KIF16B: variants seen among roughly 807,000 people sequenced by gnomAD.
The protein encoded by KIF16B is kinesin family member 16B.
Under a neutral mutation model 156.3 loss-of-function variants are expected in KIF16B, and 98 were observed. The observed-to-expected ratio is 0.63, with a 90% CI of 0.53 to 0.74. KIF16B has a LOEUF of 0.74. KIF16B is among the 30% of genes least tolerant of loss of function. KIF16B has a pLI of 0.00. For synonymous variants in KIF16B, 564 were observed against 583.7 expected, an observed-to-expected ratio of 0.97 and a Z score of 0.49; for missense variants, 1,421 against 1,606.5, an observed-to-expected ratio of 0.88 and a Z score of 1.97.
rs559807384 is a variant in KIF16B, at chr20:16,397,225, T to C, written c.1784+7588A>G. 2.0e-5 allele frequency among the ~76,000 whole-genome samples: 3 copies of C among 152,326 alleles called. No homozygotes were observed. The South Asian group carries it at 6.2e-4, about 32-fold the overall frequency. On this transcript the variant is annotated intron_variant, in intron 17 of 25. Transcript: ENST00000354981. ...GAATGTTTCCCCTGCAGGAAAATTA[T>C]CTCCTGGCAAAGACCCTGGCTGGGC...
chr20:16,435,182 A>G (rs1191901195), intron 12 of KIF16B, among the ~76,000 whole-genome samples: 1 of 152,198 alleles, frequency 6.6e-6, no homozygotes, highest in African/African-American at 2.4e-5. Flanking sequence ...TACATTTTTC[A>G]TAAGTGTTTC....
At chr20:16,386,420 T>C (rs2065231375) in intron 17 of KIF16B, among the ~76,000 whole-genome samples, 1 of 151,884 alleles carries the variant, frequency 6.6e-6, no homozygotes, top group Admixed American at 6.6e-5. Context: ...TGGAGGTTCA[T>C]CTTGGAGAGA....
At chr20:16,297,766 C>A (rs2063412710) in intron 25 of KIF16B, among the ~76,000 whole-genome samples, 1 of 152,092 alleles carries the variant, frequency 6.6e-6, no homozygotes, top group African/African-American at 2.4e-5. Flanking sequence ...TCACTGGTCC[C>A]CAGGTCTCAT....
chr20:16,420,142 C>T (rs2066189303), intron 15 of KIF16B, among the ~76,000 whole-genome samples: 1 of 152,136 alleles, frequency 6.6e-6, no homozygotes, highest in Admixed American at 6.6e-5. Flanking sequence ...AGAAAAACTT[C>T]AGGCAACAAA....
intron 1 of KIF16B, among the ~76,000 whole-genome samples, chr20:16,571,161 C>T (rs969839559): frequency 6.6e-6 from 1 of 152,156 alleles, no homozygotes; most frequent in Non-Finnish European, 1.5e-5. Flanking sequence ...AACCTGTTCA[C>T]CTCCTTCAGC....
chr20:16,372,997 C>T (rs571494830), intron 20 of KIF16B, among the ~76,000 whole-genome samples: 8 of 152,258 alleles, frequency 5.3e-5, no homozygotes, highest in African/African-American at 1.9e-4. Context: ...CATGCCCGGC[C>T]GGATGGATTA....
In KIF16B at chr20:16,273,034, G is replaced by C; in HGVS notation, c.*219C>G. ...GGCCACGTTCAACCGCAATGGAACG[G>C]TAACGGCTGCCTGTCAGGGCCACAT... On this transcript the variant is annotated 3_prime_UTR_variant, in exon 26 of 26. Transcript: ENST00000354981. 1 of 538,614 alleles carries C rather than the reference G, an allele frequency of 1.9e-6. No homozygotes were observed. The highest frequency in any genetic ancestry group is 3.3e-6 in the Non-Finnish European group (1 of 300,140). 33.4% of individuals were successfully genotyped at this position (538,614 alleles called of 1,614,324 possible).
chr20:16,344,275 C>T (rs2064191442), intron 23 of KIF16B, among the ~76,000 whole-genome samples: 1 of 152,180 alleles, frequency 6.6e-6, no homozygotes, highest in Non-Finnish European at 1.5e-5. Context: ...GTAAAAGAAG[C>T]CAACACCCCA....
At chr20:16,398,361 C>T (rs1341422797) in intron 17 of KIF16B, among the ~76,000 whole-genome samples, 1 of 152,118 alleles carries the variant, frequency 6.6e-6, no homozygotes, top group Non-Finnish European at 1.5e-5. Context: ...AAGTCACCAC[C>T]TGGTAGGTAC....
chr20:16,374,633 T>C (rs1048450800), intron 19 of KIF16B, among the ~76,000 whole-genome samples: 1 of 152,062 alleles, frequency 6.6e-6, no homozygotes, highest in Non-Finnish European at 1.5e-5. Flanking sequence ...ATCCAGAAGG[T>C]AGAGTAATTT....
chr20:16,553,884 A>G (rs1030329951), intron 1 of KIF16B, among the ~76,000 whole-genome samples: 1 of 152,208 alleles, frequency 6.6e-6, no homozygotes, highest in African/African-American at 2.4e-5. Context: ...GGAGTCCTGC[A>G]CTGTCGCAGC....
intron 12 of KIF16B, among the ~76,000 whole-genome samples, chr20:16,474,571 T>C (rs2067756934): frequency 6.6e-6 from 1 of 152,232 alleles, no homozygotes; most frequent in African/African-American, 2.4e-5. Context: ...AGGTCTGCTA[T>C]GAAATATAAA....
chr20:16,315,939 A>G lies in KIF16B; in HGVS notation c.3712-3521T>C, dbSNP rs146021691. Among the ~76,000 whole-genome samples the G allele has an allele frequency of 4.3e-4, 65 of 152,348 alleles. 2 individuals carry two copies. In the East Asian group the frequency reaches 0.012, roughly 28 times the overall value. Reference sequence around the variant, plus strand: ...GAAAGCCAAGGCCATAATGTAAAGTATAGGAAAAACATGCCCCCATTAATA... The same window carrying G: ...GAAAGCCAAGGCCATAATGTAAAGTGTAGGAAAAACATGCCCCCATTAATA... On this transcript the variant is annotated intron_variant, in intron 24 of 25. Coordinates refer to ENST00000354981, the MANE Select transcript of KIF16B (RefSeq NM_024704.5).
At chr20:16,472,553 T>TAAAAAAAAAAAAAAAAAA in intron 12 of KIF16B, among the ~76,000 whole-genome samples, 1 of 113,562 alleles carries the variant, frequency 8.8e-6, no homozygotes, top group Non-Finnish European at 1.8e-5. Context: ...CATCTGAAAT[T>TAAAAAAAAAAAAAAAAAA]AAAAAAAAAA....
At chr20:16,403,438 A>G (rs1356175919) in intron 17 of KIF16B, among the ~76,000 whole-genome samples, 4 of 152,258 alleles carry the variant, frequency 2.6e-5, no homozygotes, top group Non-Finnish European at 5.9e-5. Flanking sequence ...CTCCCATTTC[A>G]GAGGTCTGAT....
intron 12 of KIF16B, among the ~76,000 whole-genome samples, chr20:16,486,926 A>G (rs913706312): frequency 1.3e-5 from 2 of 152,150 alleles, no homozygotes; most frequent in Non-Finnish European, 2.9e-5. Flanking sequence ...ATCTACTCCT[A>G]GGTTCAACGT....
intron 24 of KIF16B, among the ~76,000 whole-genome samples, chr20:16,334,673 T>A (rs2064004461): frequency 6.6e-6 from 1 of 152,166 alleles, no homozygotes; most frequent in Non-Finnish European, 1.5e-5. Context: ...CTTGATGGTA[T>A]CCCATGGTAA....
At chr20:16,453,220 T>C (rs981477958) in intron 12 of KIF16B, among the ~76,000 whole-genome samples, 1 of 152,028 alleles carries the variant, frequency 6.6e-6, no homozygotes, top group African/African-American at 2.4e-5. Context: ...CAGTGAGCTA[T>C]GATCATACCA....
At chr20:16,476,108 T>C (rs1568578782) in intron 12 of KIF16B, among the ~76,000 whole-genome samples, 1 of 120,482 alleles carries the variant, frequency 8.3e-6, no homozygotes, top group Non-Finnish European at 2.1e-5. Flanking sequence ...CCAAGGGCCC[T>C]GCAACAAATA....
Sources: gnomAD v4.1 joint callset for allele counts (sites outside exome capture counted in the v4.1 genomes callset) on GRCh38, gnomAD v4.1.1 for gene constraint, MANE v1.5 for transcripts, NCBI Gene and HGNC (gene_info 2026-07-23, HGNC 2026-07-21) for gene names.